The following PCDH15 variants were observed in gnomAD, a reference collection of about 807,000 sequenced individuals.
PCDH15 encodes the protein protocadherin-15.
PCDH15 carries 129 observed loss-of-function variants against 178.5 expected under a neutral mutation model. The ratio of observed to expected loss-of-function variants is 0.72; its 90% CI spans 0.63 to 0.84. PCDH15 has a LOEUF of 0.84. Among genes scored for constraint, PCDH15 ranks in the 40% least tolerant of loss-of-function variants. The pLI, the probability that PCDH15 is intolerant of heterozygous loss-of-function variation, is 0.00. For missense variants in PCDH15, 2,230 were observed against 2,099.9 expected (o/e 1.06, Z -1.21); for synonymous variants, 800 against 732.0 (o/e 1.09, Z -1.50).
At chr10:54,727,227 ATG>A (rs202239920) in intron 1 of PCDH15, among the ~76,000 whole-genome samples, 18,389 of 151,326 alleles carry the variant, frequency 0.12, 1,239 homozygotes, top group African/African-American at 0.17. Context: ...AAAAAAACAC[ATG>A]CACACAAAAT....
intron 2 of PCDH15, among the ~76,000 whole-genome samples, chr10:55,582,004 T>C (rs777057417): frequency 9.9e-5 from 15 of 152,232 alleles, no homozygotes; most frequent in Non-Finnish European, 2.2e-4. Flanking sequence ...CACCATGTAA[T>C]GGTGGAATGT....
chr10:54,674,469 C>G (rs2094742519), intron 1 of PCDH15, among the ~76,000 whole-genome samples: 1 of 152,008 alleles, frequency 6.6e-6, no homozygotes, highest in Non-Finnish European at 1.5e-5. Flanking sequence ...AACAGTAACT[C>G]AAAGTCTAAT....
At chr10:53,895,158 GC>G (rs891346964) in intron 26 of PCDH15, among the ~76,000 whole-genome samples, 3 of 152,078 alleles carry the variant, frequency 2.0e-5, no homozygotes, top group Non-Finnish European at 4.4e-5. Context: ...GCCCCCAGGA[GC>G]CCCCAGGAGC....
intron 26 of PCDH15, among the ~76,000 whole-genome samples, chr10:53,886,602 T>A (rs1446820680): frequency 7.0e-6 from 1 of 143,484 alleles, no homozygotes; most frequent in Non-Finnish European, 1.5e-5. Context: ...CCTCTTTTTT[T>A]TTTTTTTTTT....
rs58866288 is a variant in PCDH15, at chr10:55,432,082, AACACACACACACACACACAC to A, written c.-156+195523_-156+195542del. 2.7e-3 allele frequency among the ~76,000 whole-genome samples: 408 copies of A among 148,500 alleles called. 1 individual carries two copies. Among genetic ancestry groups the A allele is most frequent in the Non-Finnish European group, 4.5e-3 (298 of 66,862 alleles). On this transcript the variant is annotated intron_variant, in intron 2 of 5. Transcript: ENST00000613346. Reference sequence around the variant, plus strand: ...TTGGGATAGGCAGAGCTATCATTTAAACACACACACACACACACACACACACACACACCACAAGTCTCTCC... The same window carrying A: ...TTGGGATAGGCAGAGCTATCATTTAAACACACACACACCACAAGTCTCTCC...
chr10:53,823,173 T>A lies in PCDH15; in HGVS notation c.4368-2943A>T, dbSNP rs528484622. ...ATTATGGGCACTTAAGTCATCCTCA[T>A]CAGATAGAAATGTGAATTTTCTTGC... is the stretch of plus-strand genomic sequence containing the variant. On this transcript the variant is annotated intron_variant, in intron 32 of 37. Coordinates refer to ENST00000644397, the MANE Select transcript of PCDH15 (RefSeq NM_001384140.1). 45 of 1,614,044 alleles carry A rather than the reference T, an allele frequency of 2.8e-5. No homozygotes were observed. The South Asian group carries it at 4.6e-4, about 17-fold the overall frequency.
intron 1 of PCDH15, among the ~76,000 whole-genome samples, chr10:54,731,564 A>ATATATATATATATATATG (rs1491229343): frequency 0.023 from 1,012 of 43,236 alleles, 42 homozygotes; most frequent in East Asian, 0.04. Context: ...ATATATATAT[A>ATATATATATATATATATG]CACACACACA....
intron 20 of PCDH15, among the ~76,000 whole-genome samples, chr10:54,005,656 T>G (rs1021259797): frequency 3.3e-5 from 5 of 151,996 alleles, no homozygotes; most frequent in African/African-American, 1.2e-4. Context: ...AGTCAGGCAA[T>G]GGCAAATGCT....
chr10:54,454,776 T>TC (rs1358058289), intron 3 of PCDH15, among the ~76,000 whole-genome samples: 1 of 152,186 alleles, frequency 6.6e-6, no homozygotes, highest in Non-Finnish European at 1.5e-5. Context: ...TTTTGACCTT[T>TC]TCAAGCAAAA....
chr10:55,390,810 T>A (rs1837774965), intron 2 of PCDH15, among the ~76,000 whole-genome samples: 1 of 152,184 alleles, frequency 6.6e-6, no homozygotes, highest in Non-Finnish European at 1.5e-5. Flanking sequence ...TGAGCAGTAG[T>A]AATATTTCAA....
intron 1 of PCDH15, among the ~76,000 whole-genome samples, chr10:55,174,122 G>C (rs1839415313): frequency 6.6e-6 from 1 of 152,112 alleles, no homozygotes; most frequent in Non-Finnish European, 1.5e-5. Flanking sequence ...TCATTACCAT[G>C]ACATGAAATC....
At chr10:54,465,957 A>G (rs2077490099) in intron 3 of PCDH15, among the ~76,000 whole-genome samples, 1 of 151,942 alleles carries the variant, frequency 6.6e-6, no homozygotes, top group Non-Finnish European at 1.5e-5. Context: ...GCAAGATGGT[A>G]TCTCATGATT....
rs184680934 is a variant in PCDH15 at position 54,557,056 on chromosome 10, C to A, written c.92-29179G>T. Among the ~76,000 whole-genome samples the A allele has an allele frequency of 2.0e-3, 297 of 152,150 alleles. 1 individual carries two copies. Among genetic ancestry groups the A allele is most frequent in the African/African-American group, 6.9e-3 (288 of 41,532 alleles). ...AAGACTATTCATCTTTAAAGTTATC[C>A]ATAAATTTTTCATAGACTCAGTGGC... On this transcript the variant is annotated intron_variant, in intron 2 of 37. Transcript: ENST00000644397.
intron 1 of PCDH15, among the ~76,000 whole-genome samples, chr10:54,718,743 A>G (rs988235068): frequency 8.2e-5 from 12 of 145,676 alleles, no homozygotes; most frequent in Admixed American, 2.8e-4. Flanking sequence ...CCAAGCTGGA[A>G]TGCAGTGGTA....
chr10:54,388,341 G>A (rs929932633), intron 3 of PCDH15, among the ~76,000 whole-genome samples: 5 of 152,148 alleles, frequency 3.3e-5, no homozygotes, highest in African/African-American at 1.2e-4. Flanking sequence ...ATGTCACCCA[G>A]CTGAAGGTCA....
At chr10:54,813,154 G>A (rs933176516) in intron 3 of PCDH15, among the ~76,000 whole-genome samples, 5 of 151,972 alleles carry the variant, frequency 3.3e-5, no homozygotes, top group African/African-American at 4.8e-5. Context: ...TCTTTTGGTG[G>A]TTCCCCTTTT....
intron 29 of PCDH15, among the ~76,000 whole-genome samples, chr10:53,838,900 T>C (rs997469977): frequency 9.0e-6 from 1 of 111,152 alleles, no homozygotes; most frequent in Non-Finnish European, 1.8e-5. Context: ...ATGGCCCAAA[T>C]ATCTATTAAA....
chr10:55,573,850 G>T (rs1256430101), intron 2 of PCDH15, among the ~76,000 whole-genome samples: 1 of 151,686 alleles, frequency 6.6e-6, no homozygotes, highest in Non-Finnish European at 1.5e-5. Flanking sequence ...TGAAAGCAAT[G>T]ATTTGTAACA....
rs1276801465 is a variant in PCDH15 at position 54,622,746 on chromosome 10, A to G, written c.91+41426T>C. On this transcript the variant is annotated intron_variant, in intron 2 of 37. Coordinates refer to ENST00000644397, the MANE Select transcript of PCDH15 (RefSeq NM_001384140.1). ...TATATTATATAATTATATATATATT[A>G]TATATAATTATATTATATATATATT... Among the ~76,000 whole-genome samples, 107 of 40,092 alleles carry G rather than the reference A, an allele frequency of 2.7e-3. 2 individuals are homozygous for G. The highest frequency in any genetic ancestry group is 8.8e-3 in the African/African-American group (104 of 11,752). 26.3% of individuals were successfully genotyped at this position (40,092 alleles called of 152,430 possible).
Sources: allele counts gnomAD v4.1 joint callset (sites outside exome capture counted in the v4.1 genomes callset), GRCh38; gene constraint gnomAD v4.1.1; transcripts MANE v1.5; gene names NCBI Gene and HGNC (gene_info 2026-07-23, HGNC 2026-07-21).